The following AKR1C3 variants were observed in gnomAD, a reference collection of about 807,000 sequenced individuals.
AKR1C3 encodes the protein 3-alpha hydroxysteroid dehydrogenase, type II.
AKR1C3 carries 48 observed loss-of-function variants against 43.6 expected under a neutral mutation model. That is an observed-to-expected ratio of 1.10 (90% confidence interval 0.87 to 1.40). AKR1C3 has a LOEUF of 1.40. AKR1C3 is among the 40% of genes most tolerant of loss of function. AKR1C3 has a pLI of 0.00. For missense variants in AKR1C3, 482 were observed against 391.2 expected (o/e 1.23, Z -1.96); for synonymous variants, 162 against 139.6 (o/e 1.16, Z -1.13).
chr10:5,080,643 A>C (rs1180503681), intron 1 of AKR1C3: 1 of 152,674 alleles, frequency 6.5e-6, no homozygotes, highest in Non-Finnish European at 1.5e-5. Flanking sequence ...ACAAACAAAC[A>C]AACAAACAAA....
chr10:5,073,594 T>A (rs1375624452), intron 1 of AKR1C3, among the ~76,000 whole-genome samples: 1 of 152,092 alleles, frequency 6.6e-6, no homozygotes. Context: ...CCAGCCCAGA[T>A]CACAGAACCA....
intron 8 of AKR1C3, among the ~76,000 whole-genome samples, chr10:5,106,228 C>G (rs1382554819): frequency 6.6e-6 from 1 of 152,114 alleles, no homozygotes; most frequent in Non-Finnish European, 1.5e-5. Flanking sequence ...GCTTTTGCCT[C>G]CAGAAAGCCT....
intron 5 of AKR1C3, chr10:5,099,797 A>T: frequency 3.5e-6 from 1 of 281,990 alleles, no homozygotes; most frequent in Non-Finnish European, 6.8e-6. Flanking sequence ...ATTTGGAGGG[A>T]ATGGTGTATA....
At position 5,099,464 on chromosome 10, in the gene AKR1C3, C is replaced by T. The variant is rs1839295746; in HGVS notation, c.570+15C>T. ...TCTGCAACCAGGTGAGCTCCCTTGG[C>T]CTTCTCTCCTTTCGGTTCTTCATGC... On this transcript the variant is annotated intron_variant, in intron 5 of 8. Coordinates refer to ENST00000380554, the MANE Select transcript of AKR1C3 (RefSeq NM_003739.6). 6.2e-7 allele frequency: 1 copy of T among 1,614,112 alleles called. No individual in the cohort carries two copies. Among genetic ancestry groups the T allele is most frequent in the Non-Finnish European group, 8.5e-7 (1 of 1,179,984 alleles).
chr10:5,082,279 T>A (rs1266327352), intron 1 of AKR1C3, among the ~76,000 whole-genome samples: 1 of 152,196 alleles, frequency 6.6e-6, no homozygotes, highest in African/African-American at 2.4e-5. Context: ...GCCTTTTATT[T>A]ATTTTCTTTA....
chr10:5,062,230 C>T (rs782066437), intron 1 of AKR1C3, among the ~76,000 whole-genome samples: 1 of 152,302 alleles, frequency 6.6e-6, no homozygotes, highest in Middle Eastern at 3.4e-3. Flanking sequence ...CCACCTTAAC[C>T]CCATCAAAGA....
At chr10:5,104,232 CTT>C (rs1554786673) in intron 7 of AKR1C3, among the ~76,000 whole-genome samples, 3 of 152,156 alleles carry the variant, frequency 2.0e-5, no homozygotes, top group Admixed American at 1.3e-4. Flanking sequence ...TGGTAATTCT[CTT>C]TACTTATAAA....
intron 1 of AKR1C3, among the ~76,000 whole-genome samples, chr10:5,052,138 C>T (rs868948233): frequency 2.6e-5 from 4 of 152,114 alleles, no homozygotes; most frequent in Admixed American, 6.5e-5. Flanking sequence ...TGCATGGTCG[C>T]GTTGGCTCAG....
At chr10:5,071,138 C>T (rs1214481435) in intron 1 of AKR1C3, among the ~76,000 whole-genome samples, 3 of 152,118 alleles carry the variant, frequency 2.0e-5, no homozygotes, top group Non-Finnish European at 4.4e-5. Context: ...GTTGCTATAA[C>T]AAAATAACTG....
Position 5,099,323 on chromosome 10 carries a change from A to G in AKR1C3, c.448-4A>G, listed in dbSNP as rs782155823. 6.2e-7 allele frequency: 1 copy of G among 1,614,052 alleles called. No homozygotes were observed. The highest frequency in any genetic ancestry group is 2.2e-5 in the East Asian group (1 of 44,882). ...ATAATTCCTCACAACCCCTTTCTCC[A>G]CAGGCCATGGAGAAGTGTAAGGATG... On this transcript the variant is annotated splice_polypyrimidine_tract_variant and splice_region_variant and intron_variant, in intron 4 of 8. Coordinates refer to ENST00000380554, the MANE Select transcript of AKR1C3 (RefSeq NM_003739.6).
At chr10:5,056,873 G>A (rs1387659524) in intron 1 of AKR1C3, among the ~76,000 whole-genome samples, 1 of 152,212 alleles carries the variant, frequency 6.6e-6, no homozygotes, top group Non-Finnish European at 1.5e-5. Flanking sequence ...GAAATACCTG[G>A]TGCCAGGCTG....
intron 1 of AKR1C3, among the ~76,000 whole-genome samples, chr10:5,088,657 T>C (rs1422434973): frequency 6.6e-6 from 1 of 151,688 alleles, no homozygotes; most frequent in Admixed American, 6.6e-5. Flanking sequence ...CTTGCTGACA[T>C]TGATATATCA....
At chr10:5,105,774 C>T in intron 8 of AKR1C3, 97 bp downstream of exon 8, 1 of 882,666 alleles carries the variant, frequency 1.1e-6, no homozygotes, top group Non-Finnish European at 1.8e-6. Context: ...GGACAGAGGC[C>T]AATGTGAGTC....
In AKR1C3 at chr10:5,107,678, T is replaced by TCAAAA. The variant is rs1554787572; in HGVS notation, c.*175_*176insCAAAA. ...AGAAAGACAATAAATTTTTATCATT[T>TCAAAA]TGAAATAATTGAATGTTTTCTCAAA... On this transcript the variant is annotated 3_prime_UTR_variant, in exon 9 of 9. Coordinates refer to ENST00000380554, the MANE Select transcript of AKR1C3 (RefSeq NM_003739.6). 9 of 557,748 alleles carry TCAAAA rather than the reference T, an allele frequency of 1.6e-5. No homozygotes were observed. Among genetic ancestry groups the TCAAAA allele is most frequent in the African/African-American group, 1.6e-4 (8 of 50,896 alleles). The allele number at this position is 557,748 out of a possible 1,614,324, so 34.5% of individuals were successfully genotyped here. A position where few individuals can be genotyped will look rare whatever the true frequency, so the allele number is the denominator to read the frequency against.
chr10:5,102,946 GT>G lies in AKR1C3; in HGVS notation c.846+308del, dbSNP rs370945874. Among the ~76,000 whole-genome samples the G allele has an allele frequency of 5.7e-3, 831 of 146,804 alleles. 8 individuals are homozygous for G. The highest frequency in any genetic ancestry group is 0.019 in the African/African-American group (751 of 40,112). Reference sequence around the variant, plus strand: ...TTTTCATGTTGTTTGTTTGGTTTTGGTTTTTTTTTTTTGAGACAGAGTCTCA... The same window carrying G: ...TTTTCATGTTGTTTGTTTGGTTTTGGTTTTTTTTTTTGAGACAGAGTCTCA... On this transcript the variant is annotated intron_variant, in intron 7 of 8. Transcript: ENST00000380554.
intron 7 of AKR1C3, among the ~76,000 whole-genome samples, chr10:5,104,527 A>C (rs956592935): frequency 4.4e-5 from 6 of 136,880 alleles, no homozygotes; most frequent in Admixed American, 2.8e-4. Context: ...TTTTTTTCTA[A>C]CTCTTTATTT....
At chr10:5,105,527 C>T in intron 7 of AKR1C3, 68 bp from the exon 8 acceptor site, 1 of 1,185,138 alleles carries the variant, frequency 8.4e-7, no homozygotes. Context: ...CTGCACCCTA[C>T]TGTCTAATAT....
At chr10:5,059,562 G>A (rs781806753) in intron 1 of AKR1C3, among the ~76,000 whole-genome samples, 12 of 152,152 alleles carry the variant, frequency 7.9e-5, no homozygotes, top group African/African-American at 1.7e-4. Context: ...TCCCAACTCC[G>A]AAGAGTCGGG....
chr10:5,087,536 C>CAGTA (rs1310321493), intron 1 of AKR1C3, among the ~76,000 whole-genome samples: 1 of 151,812 alleles, frequency 6.6e-6, no homozygotes, highest in African/African-American at 2.4e-5. Flanking sequence ...CCATGCCTGG[C>CAGTA]TACTGTTTTT....
Sources: allele counts gnomAD v4.1 joint callset (sites outside exome capture counted in the v4.1 genomes callset), GRCh38; gene constraint gnomAD v4.1.1; transcripts MANE v1.5; gene names NCBI Gene and HGNC (gene_info 2026-07-23, HGNC 2026-07-21).